Variants in SPARCL1 observed in about 807,000 individuals in gnomAD.
SPARCL1 encodes the protein SPARC like 1, also known as SPARC-like protein 1.
SPARCL1 carries 52 observed loss-of-function variants against 67.1 expected under a neutral mutation model. The observed-to-expected ratio is 0.78, with a 90% CI of 0.62 to 0.98. SPARCL1 has a LOEUF of 0.98. Among genes scored for constraint, SPARCL1 ranks in the 50% least tolerant of loss-of-function variants. SPARCL1 has a pLI of 0.00. For missense variants in SPARCL1, 717 were observed against 782.4 expected (o/e 0.92, Z 1.00); for synonymous variants, 226 against 267.8 (o/e 0.84, Z 1.52).
At chr4:87,491,466 G>A in intron 5 of SPARCL1, 152 bp downstream of exon 5, 3 of 719,204 alleles carry the variant, frequency 4.2e-6, no homozygotes, top group South Asian at 1.5e-5. Flanking sequence ...ACAAGAAAAT[G>A]TCAACAATTT....
intron 9 of SPARCL1, 85 bp from the exon 10 acceptor site, chr4:87,479,663 C>T: frequency 3.7e-6 from 5 of 1,337,284 alleles, no homozygotes; most frequent in Non-Finnish European, 5.2e-6. Flanking sequence ...ACATTTTTCT[C>T]CCATAAGGTT....
At chr4:87,503,900 G>A (rs182303839) in intron 1 of SPARCL1, among the ~76,000 whole-genome samples, 81 of 151,862 alleles carry the variant, frequency 5.3e-4, no homozygotes, top group South Asian at 4.6e-3. Context: ...GGCTGGTCTC[G>A]AACTCCTGGC....
At chr4:87,497,708 C>T (rs1465198148) in intron 2 of SPARCL1, among the ~76,000 whole-genome samples, 2 of 152,194 alleles carry the variant, frequency 1.3e-5, no homozygotes, top group African/African-American at 4.8e-5. Flanking sequence ...AGAAAGGAAA[C>T]ATCTGGAATG....
At chr4:87,501,586 G>C (rs997091809) in intron 1 of SPARCL1, among the ~76,000 whole-genome samples, 1 of 151,888 alleles carries the variant, frequency 6.6e-6, no homozygotes, top group Non-Finnish European at 1.5e-5. Context: ...ACTCTGATGT[G>C]AGTTTTTCCC....
At chr4:87,494,702 C>T in intron 3 of SPARCL1, 104 bp from the exon 4 acceptor site, 1 of 964,294 alleles carries the variant, frequency 1.0e-6, no homozygotes, top group Admixed American at 2.9e-5. Flanking sequence ...CACACACTAT[C>T]ATGTAAACAT....
At chr4:87,506,045 C>T (rs1331140401) in intron 1 of SPARCL1, among the ~76,000 whole-genome samples, 1 of 152,074 alleles carries the variant, frequency 6.6e-6, no homozygotes, top group African/African-American at 2.4e-5. Context: ...GTCCTCTGCC[C>T]ATTAGATGTC....
At position 87,494,068 on chromosome 4, in the gene SPARCL1, C is replaced by T. The variant is rs1724496191; in HGVS notation, c.732G>A (p.Leu244=). 6.2e-7 allele frequency: 1 copy of T among 1,613,984 alleles called. No individual in the cohort carries two copies. Among genetic ancestry groups the T allele is most frequent in the Non-Finnish European group, 8.5e-7 (1 of 1,180,022 alleles). ...EEDNTQSDDI[L]EESDQPTQVS... ...CTTGAGTTGGTTGATCAGACTCTTC[C>T]AAAATATCATCAGATTGGGTATTGT... The change falls in exon 4 of 11, where the codon TTG becomes TTA. Residue 244 remains leucine, a synonymous_variant. Transcript: ENST00000282470.
intron 1 of SPARCL1, among the ~76,000 whole-genome samples, chr4:87,503,047 T>C (rs1056194830): frequency 2.6e-5 from 4 of 152,238 alleles, no homozygotes; most frequent in Non-Finnish European, 5.9e-5. Context: ...ATTTTTCACT[T>C]AGTCCCTAGG....
intron 2 of SPARCL1, chr4:87,497,249 G>A: frequency 1.0e-6 from 1 of 982,978 alleles, no homozygotes; most frequent in South Asian, 4.7e-5. Flanking sequence ...CCTAAGATGG[G>A]TAATGAATTT....
chr4:87,520,246 C>CAAAAAAAAAAAAAAA (rs71667860), intron 1 of SPARCL1, among the ~76,000 whole-genome samples: 1 of 105,232 alleles, frequency 9.5e-6, no homozygotes, highest in African/African-American at 3.9e-5. Context: ...GACACTGTCT[C>CAAAAAAAAAAAAAAA]AAAAAAAAAA....
At chr4:87,488,397 T>C (rs932559302) in intron 7 of SPARCL1, among the ~76,000 whole-genome samples, 1 of 152,198 alleles carries the variant, frequency 6.6e-6, no homozygotes, top group Non-Finnish European at 1.5e-5. Context: ...TTCTAGACCT[T>C]GTTTGCCTGG....
chr4:87,478,486 G>A (rs981811736), intron 10 of SPARCL1, among the ~76,000 whole-genome samples: 1 of 149,546 alleles, frequency 6.7e-6, no homozygotes, highest in South Asian at 2.1e-4. Context: ...CACCCAGGCT[G>A]GAGTGCAGTG....
chr4:87,498,613 A>T (rs1724718869), intron 2 of SPARCL1, among the ~76,000 whole-genome samples: 1 of 152,110 alleles, frequency 6.6e-6, no homozygotes, highest in African/African-American at 2.4e-5. Flanking sequence ...AAATGATCTG[A>T]TTTGTGTACA....
chr4:87,489,504 G>A (rs767121982), intron 7 of SPARCL1, among the ~76,000 whole-genome samples: 1 of 152,164 alleles, frequency 6.6e-6, no homozygotes, highest in Admixed American at 6.5e-5. Context: ...CTCACTGGGA[G>A]CTGCAAACCA....
chr4:87,490,131 T>G, intron 7 of SPARCL1, 142 bp downstream of exon 7: 1 of 901,140 alleles, frequency 1.1e-6, no homozygotes, highest in Non-Finnish European at 1.6e-6. Flanking sequence ...GAGTTCTTAT[T>G]TTTTAAGTTT....
chr4:87,480,241 A>C, intron 9 of SPARCL1, 131 bp downstream of exon 9: 1 of 648,090 alleles, frequency 1.5e-6, no homozygotes, highest in East Asian at 2.9e-5. Context: ...TAGACTCCTA[A>C]CCAGGCATTT....
At chr4:87,479,323 T>G in intron 10 of SPARCL1, 107 bp downstream of exon 10, 1 of 1,222,682 alleles carries the variant, frequency 8.2e-7, no homozygotes, top group Non-Finnish European at 1.1e-6. Context: ...TTTTTTTTTC[T>G]AGCTTCCAAT....
intron 1 of SPARCL1, among the ~76,000 whole-genome samples, chr4:87,503,747 T>C (rs1724952234): frequency 6.6e-6 from 1 of 150,830 alleles, no homozygotes; most frequent in African/African-American, 2.4e-5. Context: ...GGCGCAATCT[T>C]GGTTCACTAT....
At position 87,520,253 on chromosome 4, in the gene SPARCL1, A is replaced by AG. The variant is rs1725755251; in HGVS notation, c.-12+8791_-12+8792insC. Reference sequence around the variant, plus strand: ...CAGAGCCAGACACTGTCTCAAAAAAAAAAAAAAAAAAAAGTTGTTGGGAAC... The same window carrying AG: ...CAGAGCCAGACACTGTCTCAAAAAAAGAAAAAAAAAAAAAGTTGTTGGGAAC... On this transcript the variant is annotated intron_variant, in intron 1 of 10. Coordinates refer to ENST00000282470, the MANE Select transcript of SPARCL1 (RefSeq NM_004684.6). 2.6e-5 allele frequency among the ~76,000 whole-genome samples: 4 copies of AG among 151,708 alleles called. No homozygotes were observed. The South Asian group carries it at 8.3e-4, about 32-fold the overall frequency.
Sources: gnomAD v4.1 joint callset for allele counts (sites outside exome capture counted in the v4.1 genomes callset) on GRCh38, gnomAD v4.1.1 for gene constraint, MANE v1.5 for transcripts, NCBI Gene and HGNC (gene_info 2026-07-23, HGNC 2026-07-21) for gene names.